The following GLG1 variants were observed in gnomAD, a reference collection of about 807,000 sequenced individuals.
GLG1 encodes the protein golgi glycoprotein 1, also known as Golgi apparatus protein 1.
In GLG1, 38 loss-of-function variants were observed where a neutral mutation model predicts 160.5. The ratio of observed to expected loss-of-function variants is 0.24; its 90% CI spans 0.18 to 0.31. GLG1 has a LOEUF of 0.31. Among genes scored for constraint, GLG1 ranks in the 10% least tolerant of loss-of-function variants. GLG1 has a pLI of 1.00. For missense variants in GLG1, 1,373 were observed against 1,505.2 expected (o/e 0.91, Z 1.45); for synonymous variants, 644 against 543.4 (o/e 1.19, Z -2.57).
chr16:74,567,710 A>AG (rs2143766532), intron 1 of GLG1, among the ~76,000 whole-genome samples: 1 of 151,222 alleles, frequency 6.6e-6, no homozygotes, highest in East Asian at 1.9e-4. Context: ...CTGGGACTAC[A>AG]GGCGCCCGCC....
Position 74,452,808 on chromosome 16 carries a change from T to G in GLG1, c.*359A>C, listed in dbSNP as rs568378428. 277 of 732,116 alleles carry G rather than the reference T, an allele frequency of 3.8e-4. No homozygotes were observed. The highest frequency in any genetic ancestry group is 4.5e-4 in the Non-Finnish European group (268 of 596,512). 45.4% of individuals were successfully genotyped at this position (732,116 alleles called of 1,614,324 possible). A position where few individuals can be genotyped will look rare whatever the true frequency, so the allele number is the denominator to read the frequency against. On this transcript the variant is annotated 3_prime_UTR_variant, in exon 26 of 26. Coordinates refer to ENST00000422840, the MANE Select transcript of GLG1 (RefSeq NM_001145667.2). ...ATATACATTTTTTTCTTTAAAAAAA[T>G]TTTTTTTTTTGGTGGTTTTCTTAAA...
At chr16:74,576,110 C>T (rs1210943350) in intron 1 of GLG1, among the ~76,000 whole-genome samples, 3 of 151,992 alleles carry the variant, frequency 2.0e-5, no homozygotes, top group Non-Finnish European at 4.4e-5. Flanking sequence ...TGAGGCAGAA[C>T]TGCTTGAACC....
At chr16:74,512,157 TTTC>T (rs1283061762) in intron 2 of GLG1, among the ~76,000 whole-genome samples, 8 of 135,636 alleles carry the variant, frequency 5.9e-5, no homozygotes, top group Admixed American at 2.5e-4. Flanking sequence ...TGGTCTTTTA[TTTC>T]TTTTTTTTTT....
chr16:74,487,908 A>G (rs1382117615), intron 8 of GLG1, among the ~76,000 whole-genome samples: 1 of 151,888 alleles, frequency 6.6e-6, no homozygotes, highest in African/African-American at 2.4e-5. Flanking sequence ...GTGAACTGCT[A>G]CATGATTATA....
chr16:74,598,303 C>CCT, intron 1 of GLG1, among the ~76,000 whole-genome samples: 1 of 151,396 alleles, frequency 6.6e-6, no homozygotes, highest in East Asian at 2.0e-4. Context: ...GGGCGGATCA[C>CCT]GAGGTCAAGA....
intron 2 of GLG1, among the ~76,000 whole-genome samples, chr16:74,512,156 A>ATTTC (rs1470496680): frequency 2.8e-5 from 3 of 108,104 alleles, no homozygotes; most frequent in Non-Finnish European, 6.0e-5. Flanking sequence ...CTGGTCTTTT[A>ATTTC]TTTCTTTTTT....
intron 1 of GLG1, among the ~76,000 whole-genome samples, chr16:74,580,755 T>C (rs934904580): frequency 2.6e-5 from 4 of 152,180 alleles, no homozygotes; most frequent in African/African-American, 9.7e-5. Context: ...TTGCAGGTCA[T>C]CTATCTGATG....
rs149587303 is a variant in GLG1, at chr16:74,474,710, A to C, written c.1966-78T>G. 168 of 784,262 alleles carry C rather than the reference A, an allele frequency of 2.1e-4. No homozygotes were observed. In the African/African-American group the frequency reaches 2.7e-3, roughly 13 times the overall value. 48.6% of individuals were successfully genotyped at this position (784,262 alleles called of 1,614,324 possible). On this transcript the variant is annotated intron_variant, in intron 12 of 25. Coordinates refer to ENST00000422840, the MANE Select transcript of GLG1 (RefSeq NM_001145667.2). The stretch of plus-strand genomic sequence containing the variant: ...GGCAAGGGGAGATATCAGCGTCATG[A>C]CACTTCCCTTTTCAGTGGTCCTCCT...
At chr16:74,484,358 C>G (rs561273602) in intron 9 of GLG1, among the ~76,000 whole-genome samples, 17 of 151,570 alleles carry the variant, frequency 1.1e-4, no homozygotes, top group Non-Finnish European at 1.6e-4. Context: ...TTTTTGAGAT[C>G]GAGTTTTCCT....
chr16:74,468,685 C>A (rs2015090330), intron 17 of GLG1: 2 of 454,978 alleles, frequency 4.4e-6, no homozygotes, highest in Non-Finnish European at 8.1e-6. Context: ...CATTACTGAT[C>A]CAGTGATTGG....
chr16:74,502,241 C>T (rs1179643378), intron 4 of GLG1, among the ~76,000 whole-genome samples: 1 of 152,166 alleles, frequency 6.6e-6, no homozygotes, highest in Non-Finnish European at 1.5e-5. Flanking sequence ...CATTACTTTT[C>T]AGGAGTTTTT....
chr16:74,493,048 C>T lies in GLG1; in HGVS notation c.1143G>A (p.Lys381=), dbSNP rs552401203. ...SLAKSCKSDL[K]KYRCNVENLP... ...GGTTTTCCACATTGCACCGGTATTT[C>T]TTCAAGTCACTTTTACAGGATTTGG... is the stretch of plus-strand genomic sequence containing the variant. Residue 381 remains lysine, a synonymous_variant, in exon 7 of 26, where the codon AAG becomes AAA. Transcript: ENST00000422840. The T allele has an allele frequency of 6.2e-7, 1 of 1,613,856 alleles. No individual in the cohort carries two copies. The highest frequency in any genetic ancestry group is 2.2e-5 in the East Asian group (1 of 44,872).
intron 4 of GLG1, among the ~76,000 whole-genome samples, chr16:74,496,850 A>C (rs983076415): frequency 6.6e-6 from 1 of 152,170 alleles, no homozygotes; most frequent in Admixed American, 6.5e-5. Context: ...GCTCTCAATA[A>C]TCTTCAGTTA....
At chr16:74,550,335 T>C (rs960381737) in intron 1 of GLG1, among the ~76,000 whole-genome samples, 45 of 152,106 alleles carry the variant, frequency 3.0e-4, no homozygotes, top group Non-Finnish European at 5.0e-4. Flanking sequence ...TCTCAATTGA[T>C]AGAAGACCAT....
At chr16:74,553,462 T>C (rs2018262858) in intron 1 of GLG1, among the ~76,000 whole-genome samples, 1 of 144,428 alleles carries the variant, frequency 6.9e-6, no homozygotes, top group Non-Finnish European at 1.5e-5. Flanking sequence ...TTTTTGGTTT[T>C]GTTTCGGTTT....
chr16:74,590,993 G>A (rs551307599), intron 1 of GLG1, among the ~76,000 whole-genome samples: 76 of 151,796 alleles, frequency 5.0e-4, no homozygotes, highest in East Asian at 1.7e-3. Flanking sequence ...ATGAAGTTGT[G>A]GATTTTCAAC....
chr16:74,601,499 T>C (rs1174056875), intron 1 of GLG1, among the ~76,000 whole-genome samples: 1 of 152,130 alleles, frequency 6.6e-6, no homozygotes, highest in South Asian at 2.1e-4. Context: ...TTACAGTCAT[T>C]TGTTAGTTAA....
chr16:74,529,818 T>TG (rs1310714178), intron 2 of GLG1, among the ~76,000 whole-genome samples: 1 of 136,350 alleles, frequency 7.3e-6, no homozygotes, highest in South Asian at 2.6e-4. Context: ...AGTTCTTTTT[T>TG]TTTTTTTTTT....
chr16:74,463,544 C>CA, intron 19 of GLG1, 65 bp from the exon 20 acceptor site: 1 of 1,355,850 alleles, frequency 7.4e-7, no homozygotes, highest in Non-Finnish European at 1.0e-6. Flanking sequence ...TCTGCGACCA[C>CA]TTTTTTTTTT....
Sources: gnomAD v4.1 joint callset for allele counts (sites outside exome capture counted in the v4.1 genomes callset) on GRCh38, gnomAD v4.1.1 for gene constraint, MANE v1.5 for transcripts, NCBI Gene and HGNC (gene_info 2026-07-23, HGNC 2026-07-21) for gene names.